The following GAA variants were observed in gnomAD, a reference collection of about 807,000 sequenced individuals.
GAA encodes lysosomal alpha-glucosidase.
In GAA, 88 loss-of-function variants were observed where a neutral mutation model predicts 103.9. The observed-to-expected ratio is 0.85, with a 90% CI of 0.71 to 1.01. GAA has a LOEUF of 1.01. Ranked by LOEUF, GAA falls within the 50% of genes least tolerant of loss-of-function variation. The pLI, the probability that GAA is intolerant of heterozygous loss-of-function variation, is 0.00. For missense variants in GAA, 1,350 were observed against 1,305.3 expected (o/e 1.03, Z -0.53); for synonymous variants, 572 against 563.1 (o/e 1.02, Z -0.22).
In GAA at chr17:80,118,335, A is replaced by G. The variant is rs1465348351; in HGVS notation, c.2624A>G (p.Gln875Arg). ...GTGCTGGAGCGAGGGGCCTACACAC[A>G]GGTCATCTTCCTGGCCAGGAATGTG... is the stretch of plus-strand genomic sequence containing the variant. ...LEVLERGAYTQVIFLARNNTI... is the reference protein window; with the variant it reads ...LEVLERGAYTRVIFLARNNTI... The change falls in exon 18 of 20, where the codon CAG becomes CGG. Residue 875 changes from glutamine (Q) to arginine (R), a missense_variant. Gln to Arg is a conservative substitution (Grantham distance 43, BLOSUM62 1). Transcript: ENST00000302262. 2 of 1,569,804 alleles carry G rather than the reference A, an allele frequency of 1.3e-6. No homozygotes were observed. The highest frequency in any genetic ancestry group is 1.8e-5 in the Admixed American group (1 of 55,526).
In GAA at chr17:80,119,461, C is replaced by A; in HGVS notation, c.*130C>A. ...ACCTGGAGCTGGGCACTAACCATTC[C>A]AAGCCGCCGCATCGCTTGTTTCCAC... is the stretch of plus-strand genomic sequence containing the variant. On this transcript the variant is annotated 3_prime_UTR_variant, in exon 20 of 20. Coordinates refer to ENST00000302262, the MANE Select transcript of GAA (RefSeq NM_000152.5). 1.3e-6 allele frequency: 1 copy of A among 783,864 alleles called. No homozygotes were observed. Among genetic ancestry groups the A allele is most frequent in the Non-Finnish European group, 2.2e-6 (1 of 449,750 alleles). The allele number at this position is 783,864 out of a possible 1,614,324, so 48.6% of individuals were successfully genotyped here.
At chr17:80,108,036 C>T in intron 5 of GAA, 140 bp downstream of exon 5, 2 of 1,023,732 alleles carry the variant, frequency 2.0e-6, no homozygotes, top group Admixed American at 2.1e-5. Flanking sequence ...GGGCTGATGC[C>T]TCTCCCAACT....
intron 17 of GAA, 121 bp from the exon 18 acceptor site, chr17:80,118,072 G>A (rs1349543953): frequency 8.6e-7 from 1 of 1,164,288 alleles, no homozygotes; most frequent in Non-Finnish European, 1.2e-6. Context: ...GGCCGCAGGT[G>A]TTCCTGCAGA....
rs775954786 is a variant in GAA at position 80,112,008 on chromosome 17, G to A, written c.1662G>A (p.Ala554=). 17 of 1,613,732 alleles carry A rather than the reference G, an allele frequency of 1.1e-5. No homozygotes were observed. The highest frequency in any genetic ancestry group is 1.6e-4 in the Middle Eastern group (1 of 6,082). Residue 554 remains alanine (A), a synonymous_variant, in exon 12 of 20, where the codon GCG becomes GCA. Coordinates refer to ENST00000302262, the MANE Select transcript of GAA (RefSeq NM_000152.5). ...VPGVVGGTLQ[A]ATICASSHQF... is the part of the protein sequence containing the mutation. ...GGGTGGTTGGGGGGACCCTCCAGGC[G>A]GCCACCATCTGTGCCTCCAGCCACC...
chr17:80,104,800 C>T lies in GAA; in HGVS notation c.214C>T (p.Pro72Ser). 1 of 1,611,974 alleles carries T rather than the reference C, an allele frequency of 6.2e-7. No individual in the cohort carries two copies. Among genetic ancestry groups the T allele is most frequent in the Non-Finnish European group, 8.5e-7 (1 of 1,179,642 alleles). Residue 72 changes from proline (P) to serine (S), a missense_variant, in exon 2 of 20, where the codon CCC becomes TCC. Pro to Ser is a moderately conservative substitution (Grantham distance 74). Transcript: ENST00000302262. This position sits in a 1 kb window ranked among gnomAD's most constrained non-coding sequence, Gnocchi z 4.0. Reference sequence around the variant, plus strand: ...AGGGCCCCGGGATGCCCAGGCACACCCCGGCCGTCCCAGAGCAGTGCCCAC... The same window carrying T: ...AGGGCCCCGGGATGCCCAGGCACACTCCGGCCGTCCCAGAGCAGTGCCCAC... ...RPGPRDAQAH[P>S]GRPRAVPTQC...
rs547663574 is a variant in GAA at position 80,110,364 on chromosome 17, C to A, written c.1437+309C>A. ...GCCCCCCAGGGGCCTCCAGGCAGGG[C>A]CCCCGCTGAGGGAGCAGCTAGGGAG... On this transcript the variant is annotated intron_variant, in intron 9 of 19. Transcript: ENST00000302262. Among the ~76,000 whole-genome samples, 7 of 152,310 alleles carry A rather than the reference C, an allele frequency of 4.6e-5. No homozygotes were observed. The East Asian group carries it at 1.4e-3, about 29-fold the overall frequency.
At chr17:80,115,281 C>G (rs1280048157) in intron 15 of GAA, among the ~76,000 whole-genome samples, 2 of 152,166 alleles carry the variant, frequency 1.3e-5, no homozygotes, top group Non-Finnish European at 2.9e-5. Flanking sequence ...TCTTTCTGTT[C>G]TTCAGACTGC....
Position 80,112,002 on chromosome 17 carries a change from C to T in GAA, c.1656C>T (p.Leu552=). ...PYVPGVVGGT[L]QAATICASSH... ...TTCCAGGGGTGGTTGGGGGGACCCTCCAGGCGGCCACCATCTGTGCCTCCA... is the reference window on the plus strand; with the variant it reads ...TTCCAGGGGTGGTTGGGGGGACCCTTCAGGCGGCCACCATCTGTGCCTCCA... The change falls in exon 12 of 20, where the codon CTC becomes CTT. Residue 552 remains leucine (L), a synonymous_variant. Coordinates refer to ENST00000302262, the MANE Select transcript of GAA (RefSeq NM_000152.5). 1 of 1,613,840 alleles carries T rather than the reference C, an allele frequency of 6.2e-7. No homozygotes were observed. Among genetic ancestry groups the T allele is most frequent in the Non-Finnish European group, 8.5e-7 (1 of 1,179,894 alleles).
rs770029932 is a variant in GAA, at chr17:80,112,923, G to A, written c.1936G>A (p.Val646Ile). ...GGGGGTGCCTCTGGTCGGGGCCGAC[G>A]TCTGCGGCTTCCTGGGCAACACCTC... The part of the protein sequence containing the change: ...LLGVPLVGAD[V>I]CGFLGNTSEE... The change falls in exon 14 of 20, where the codon GTC (valine) becomes ATC (isoleucine). Residue 646 changes from valine (V) to isoleucine (I), a missense_variant. Transcript: ENST00000302262. 1.5e-5 allele frequency: 24 copies of A among 1,610,724 alleles called. No individual in the cohort carries two copies. Among genetic ancestry groups the A allele is most frequent in the South Asian group, 6.6e-5 (6 of 90,436 alleles).
rs762260678 is a variant in GAA at position 80,108,467 on chromosome 17, T to G, written c.1076-22T>G. ...CCAAGGCTCCCTCCTCCCTCCCTCA[T>G]GAAGTCGGCGTTGGCCTGCAGGATA... On this transcript the variant is annotated intron_variant, in intron 6 of 19. Coordinates refer to ENST00000302262, the MANE Select transcript of GAA (RefSeq NM_000152.5). The G allele has an allele frequency of 6.2e-6, 10 of 1,613,132 alleles. No individual in the cohort carries two copies. Among genetic ancestry groups the G allele is most frequent in the Non-Finnish European group, 7.6e-6 (9 of 1,180,000 alleles).
intron 12 of GAA, 24 bp from the exon 13 acceptor site, chr17:80,112,554 T>C (rs1274060638): frequency 6.2e-7 from 1 of 1,612,760 alleles, no homozygotes; most frequent in South Asian, 1.1e-5. Flanking sequence ...CACACAGCCC[T>C]CACGGTGTCC....
At chr17:80,112,209 C>CG (rs1315779124) in intron 12 of GAA, 109 bp downstream of exon 12, 16 of 1,137,332 alleles carry the variant, frequency 1.4e-5, no homozygotes, top group Non-Finnish European at 2.0e-5. Context: ...CCAGACCACC[C>CG]GGGGCCCGCT....
At chr17:80,118,860 G>T in intron 19 of GAA, 55 bp downstream of exon 19, 1 of 1,599,198 alleles carries the variant, frequency 6.3e-7, no homozygotes, top group Non-Finnish European at 8.5e-7. Flanking sequence ...GGTGCAGGGG[G>T]CAGAAGGTGC....
At chr17:80,112,848 G>T in intron 13 of GAA, 28 bp from the exon 14 acceptor site, 1 of 1,600,200 alleles carries the variant, frequency 6.2e-7, no homozygotes, top group East Asian at 2.2e-5. Context: ...GCAGCAGCCT[G>T]AGGACCAGCC....
intron 19 of GAA, 42 bp downstream of exon 19, chr17:80,118,847 C>T (rs1227662913): frequency 1.9e-6 from 3 of 1,608,192 alleles, no homozygotes; most frequent in South Asian, 1.1e-5. Flanking sequence ...GTCCCCCAGC[C>T]GTGGTGCAGG....
intron 12 of GAA, chr17:80,112,339 A>C (rs1452640699): frequency 2.6e-5 from 17 of 642,134 alleles, no homozygotes; most frequent in Non-Finnish European, 4.3e-5. Flanking sequence ...AGGAGTCTGC[A>C]TCAGCGGGGA....
At chr17:80,102,212 G>T (rs2038970442) in intron 1 of GAA, 2 of 152,356 alleles carry the variant, frequency 1.3e-5, no homozygotes, top group South Asian at 2.1e-4. Flanking sequence ...GAATCCCTGG[G>T]GTGAGGAGCA....
chr17:80,115,362 C>A (rs2039336171), intron 15 of GAA, among the ~76,000 whole-genome samples: 1 of 152,130 alleles, frequency 6.6e-6, no homozygotes, highest in Non-Finnish European at 1.5e-5. Flanking sequence ...TGTTGAGCCC[C>A]TCTAGTGAAC....
chr17:80,113,171 G>T (rs771835917), intron 14 of GAA, 47 bp from the exon 15 acceptor site: 3 of 1,553,406 alleles, frequency 1.9e-6, no homozygotes, highest in Non-Finnish European at 1.7e-6. Flanking sequence ...CCAGGGGACC[G>T]CGGCCCCAGC....
Sources: allele counts gnomAD v4.1 joint callset (sites outside exome capture counted in the v4.1 genomes callset), GRCh38; gene constraint gnomAD v4.1.1; non-coding constraint Gnocchi (gnomAD v3.1); transcripts MANE v1.5; gene names NCBI Gene and HGNC (gene_info 2026-07-23, HGNC 2026-07-21).